The following LARGE2 variants were observed in gnomAD, a reference collection of about 807,000 sequenced individuals.
The protein encoded by LARGE2 is LARGE xylosyl- and glucuronyltransferase 2, also known as xylosyl- and glucuronyltransferase LARGE2.
A neutral mutation model predicts 75.3 loss-of-function variants in LARGE2; 63 were observed. That is an observed-to-expected ratio of 0.84 (90% CI 0.68 to 1.03). The LOEUF is 1.03. Ranked by LOEUF, LARGE2 falls within the 50% of genes least tolerant of loss-of-function variation. LARGE2 has a pLI of 0.00. For missense variants in LARGE2, 925 were observed against 980.6 expected, an observed-to-expected ratio of 0.94 and a Z score of 0.76; for synonymous variants, 428 against 420.1, an observed-to-expected ratio of 1.02 and a Z score of -0.23.
Position 45,928,177 on chromosome 11 carries a change from G to A in LARGE2, c.1755G>A (p.Arg585=). The change falls in exon 13 of 14, where the codon AGG becomes AGA. Residue 585 remains arginine (R), a splice_region_variant and synonymous_variant. Transcript: ENST00000401752. ...GCTCCCACCCGACCCTGCTGCACAGGTACCACGAGTGGCCCCGAGGCCACG... is the reference window on the plus strand; with the variant it reads ...GCTCCCACCCGACCCTGCTGCACAGATACCACGAGTGGCCCCGAGGCCACG... ...LLDAGTLYTF[R]YHEWPRGHAP... The A allele has an allele frequency of 1.2e-6, 2 of 1,613,514 alleles. No homozygotes were observed. Among genetic ancestry groups the A allele is most frequent in the Non-Finnish European group, 1.7e-6 (2 of 1,179,994 alleles).
Position 45,926,046 on chromosome 11 carries a change from C to G in LARGE2, c.777C>G (p.Ile259Met), listed in dbSNP as rs1470487097. The G allele has an allele frequency of 6.4e-7, 1 of 1,555,782 alleles. No individual in the cohort carries two copies. Among genetic ancestry groups the G allele is most frequent in the African/African-American group, 1.4e-5 (1 of 73,402 alleles). The change falls in exon 7 of 14, where the codon ATC becomes ATG. Residue 259 changes from isoleucine to methionine, a missense_variant. Physicochemically the swap from Ile to Met is conservative, Grantham distance 10 (BLOSUM62 1). Around this residue, in one of 3 missense-constraint regions of LARGE2, gnomAD observed 453 missense variants for 460.2 expected, o/e 0.98. Coordinates refer to ENST00000401752, the MANE Select transcript of LARGE2 (RefSeq NM_001300721.2). ...ALGRGFNTGV[I>M]LLRLDRLRQA... ...GCATCTCTTCATTGGCAGGTGTGAT[C>G]CTGCTGCGGCTGGACCGGCTCCGGC...
rs577315614 is a variant in LARGE2, at chr11:45,926,243, A to C, written c.904A>C (p.Lys302Gln). ...ADQDIFNAVI[K>Q]EHPGLVQRLP... ...TCAGGACATCTTCAACGCTGTGATC[A>C]AGGAGCACCCGGGGCTAGTGCAGCG... The change falls in exon 8 of 14, where the codon AAG becomes CAG. Residue 302 changes from lysine to glutamine, a missense_variant. Physicochemically the swap from Lys to Gln is moderately conservative, Grantham distance 53. This residue lies in a region of LARGE2 where 453 missense variants were observed against 460.2 expected (regional missense o/e 0.98). Transcript: ENST00000401752. 6.2e-7 allele frequency: 1 copy of C among 1,614,168 alleles called. No homozygotes were observed. Among genetic ancestry groups the C allele is most frequent in the South Asian group, 1.1e-5 (1 of 91,090 alleles).
chr11:45,922,700 A>T lies in LARGE2; in HGVS notation c.-91A>T. 2.5e-6 allele frequency: 1 copy of T among 406,228 alleles called. No individual in the cohort carries two copies. Among genetic ancestry groups the T allele is most frequent in the Non-Finnish European group, 4.1e-6 (1 of 244,106 alleles). The allele number at this position is 406,228 out of a possible 1,614,324, so 25.2% of individuals were successfully genotyped here. On this transcript the variant is annotated 5_prime_UTR_variant, in exon 1 of 14. Coordinates refer to ENST00000401752, the MANE Select transcript of LARGE2 (RefSeq NM_001300721.2). ...CACCCTGGCCGGCGGCTGCGAGCGC[A>T]GGGCCCAGCCCGGGAGCCGCTGGAG...
intron 12 of LARGE2, 52 bp from the exon 13 acceptor site, chr11:45,928,125 T>C: frequency 6.2e-7 from 1 of 1,612,838 alleles, no homozygotes; most frequent in Non-Finnish European, 8.5e-7. Flanking sequence ...TGGCCCCCAC[T>C]ACCCACGAGC....
At chr11:45,925,828 C>T (rs1418816878) in intron 6 of LARGE2, among the ~76,000 whole-genome samples, 1 of 151,938 alleles carries the variant, frequency 6.6e-6, no homozygotes, top group Non-Finnish European at 1.5e-5. Flanking sequence ...TGCCACTGCA[C>T]CACTCCAGCC....
In LARGE2 at chr11:45,922,879, G is replaced by A; in HGVS notation, c.-4G>A. The stretch of plus-strand genomic sequence containing the variant: ...TCCCTCCCTGAGCGCCCCCGTCGGC[G>A]GCCATGCTGCCCCGAGGGCGCCCCC... On this transcript the variant is annotated 5_prime_UTR_variant, in exon 2 of 14. Transcript: ENST00000401752. The A allele has an allele frequency of 8.0e-7, 1 of 1,253,874 alleles. No individual in the cohort carries two copies. Among genetic ancestry groups the A allele is most frequent in the Non-Finnish European group, 1.0e-6 (1 of 1,002,590 alleles). The allele number at this position is 1,253,874 out of a possible 1,614,324, so 77.7% of individuals were successfully genotyped here. A position where few individuals can be genotyped will look rare whatever the true frequency, so the allele number is the denominator to read the frequency against.
chr11:45,927,783 T>C, intron 11 of LARGE2, 137 bp from the exon 12 acceptor site: 2 of 1,452,956 alleles, frequency 1.4e-6, no homozygotes, highest in Non-Finnish European at 1.9e-6. Flanking sequence ...CAGCTCCACC[T>C]GTGGTTGTGC....
chr11:45,925,202 C>T (rs1294396360), intron 6 of LARGE2, among the ~76,000 whole-genome samples: 1 of 152,154 alleles, frequency 6.6e-6, no homozygotes, highest in Non-Finnish European at 1.5e-5. Flanking sequence ...CTCTTCACCC[C>T]CGAGGATTGA....
intron 11 of LARGE2, 27 bp from the exon 12 acceptor site, chr11:45,927,890 TCTC>T (rs1565097613): frequency 5.0e-6 from 8 of 1,610,828 alleles, no homozygotes; most frequent in Non-Finnish European, 6.8e-6. Flanking sequence ...GCCCCGCTCT[TCTC>T]CCCTGCTCAT....
intron 3 of LARGE2, 81 bp from the exon 4 acceptor site, chr11:45,924,073 T>C (rs1423366583): frequency 2.8e-6 from 4 of 1,416,388 alleles, no homozygotes; most frequent in East Asian, 6.3e-5. Flanking sequence ...GGCGCTTCCA[T>C]CTCTGCGCCC....
chr11:45,924,216 T>C lies in LARGE2; in HGVS notation c.431T>C (p.Leu144Pro). ...GTGGCCAGAAACATCCTGGAGACGC[T>C]CTTCCACACATGGATGGTGCCTGCT... is the stretch of plus-strand genomic sequence containing the variant. ...DAVARNILET[L>P]FHTWMVPAVR... Residue 144 changes from leucine (L) to proline (P), a missense_variant, in exon 4 of 14, where the codon CTC becomes CCC. Transcript: ENST00000401752. 1 of 1,613,490 alleles carries C rather than the reference T, an allele frequency of 6.2e-7. No homozygotes were observed. Among genetic ancestry groups the C allele is most frequent in the Non-Finnish European group, 8.5e-7 (1 of 1,179,994 alleles).
exon 14 of LARGE2, chr11:45,929,094 ATCT>A (rs2087426901): frequency 2.9e-5 from 16 of 556,246 alleles, no homozygotes; most frequent in South Asian, 3.4e-4. Flanking sequence ...GTTTTAAAAC[ATCT>A]TTTTTGTGTT....
chr11:45,922,417 A>G (rs1027999735), upstream of LARGE2, among the ~76,000 whole-genome samples: 6 of 152,114 alleles, frequency 3.9e-5, no homozygotes, highest in African/African-American at 7.2e-5. Context: ...GCAGGGGGTC[A>G]GGGCAGGTAG....
Position 45,923,039 on chromosome 11 carries a change from A to C in LARGE2, c.157A>C (p.Met53Leu), listed in dbSNP as rs1449853700. The C allele has an allele frequency of 1.1e-5, 15 of 1,406,872 alleles. No individual in the cohort carries two copies. The highest frequency in any genetic ancestry group is 1.3e-5 in the Non-Finnish European group (14 of 1,083,288). The allele number at this position is 1,406,872 out of a possible 1,614,324, so 87.1% of individuals were successfully genotyped here. A position where few individuals can be genotyped will look rare whatever the true frequency, so the allele number is the denominator to read the frequency against. Reference protein sequence around the residue: ...GAPGCFPGPLMPRVPPDGRLR... With the variant: ...GAPGCFPGPLLPRVPPDGRLR... ...CCCGGGATGCTTCCCCGGCCCGCTC[A>C]TGCCACGTGTCCCCCCAGACGGGAG... The change falls in exon 2 of 14, where the codon ATG becomes CTG. Residue 53 changes from methionine (M) to leucine (L), a missense_variant. Coordinates refer to ENST00000401752, the MANE Select transcript of LARGE2 (RefSeq NM_001300721.2).
chr11:45,922,685 G>A lies in LARGE2; in HGVS notation c.-106G>A, dbSNP rs1172443397. Reference sequence around the variant, plus strand: ...CTCCCCTGGTTCCCGCACCCTGGCCGGCGGCTGCGAGCGCAGGGCCCAGCC... The same window carrying A: ...CTCCCCTGGTTCCCGCACCCTGGCCAGCGGCTGCGAGCGCAGGGCCCAGCC... On this transcript the variant is annotated 5_prime_UTR_variant, in exon 1 of 14. Transcript: ENST00000401752. 2.7e-6 allele frequency: 1 copy of A among 373,508 alleles called. No homozygotes were observed. Among genetic ancestry groups the A allele is most frequent in the Non-Finnish European group, 4.6e-6 (1 of 215,582 alleles). The allele number at this position is 373,508 out of a possible 1,614,324, so 23.1% of individuals were successfully genotyped here.
rs1470657203 is a variant in LARGE2 at position 45,926,142 on chromosome 11, G to A, written c.873G>A (p.Leu291=). Residue 291 remains leucine (L), a synonymous_variant, in exon 7 of 14, where the codon CTG becomes CTA. Transcript: ENST00000401752. Reference sequence around the variant, plus strand: ...TCCTTAGCCTGCCTGCCACCTCACTGGCTGACCAGGTCTGAGGAAGCCTTG... The same window carrying A: ...TCCTTAGCCTGCCTGCCACCTCACTAGCTGACCAGGTCTGAGGAAGCCTTG... ...RELLSLPATS[L]ADQDIFNAVI... The A allele has an allele frequency of 1.1e-5, 17 of 1,587,368 alleles. No homozygotes were observed. The highest frequency in any genetic ancestry group is 7.7e-6 in the Non-Finnish European group (9 of 1,166,632).
At chr11:45,927,695 G>C (rs533140403) in intron 11 of LARGE2, 102 bp downstream of exon 11, 1 of 1,527,072 alleles carries the variant, frequency 6.5e-7, no homozygotes, top group Admixed American at 1.7e-5. Context: ...CTGGGCCTCA[G>C]TGGCCTCTGT....
At position 45,924,295 on chromosome 11, in the gene LARGE2, C is replaced by T. The variant is rs539172924; in HGVS notation, c.492+18C>T. The T allele has an allele frequency of 3.0e-5, 49 of 1,610,832 alleles. No individual in the cohort carries two copies. The African/African-American group carries it at 5.1e-4, about 17-fold the overall frequency. On this transcript the variant is annotated intron_variant, in intron 4 of 13. Transcript: ENST00000401752. ...AGCTCAAGGCAGGGGCCCAGCCCTT[C>T]CCCCCTCCCCTCAGCTGTGTCCACC...
Position 45,924,770 on chromosome 11 carries a change from G to T in LARGE2, c.665-15G>T. 2 of 1,508,524 alleles carry T rather than the reference G, an allele frequency of 1.3e-6. No homozygotes were observed. Among genetic ancestry groups the T allele is most frequent in the South Asian group, 2.6e-5 (2 of 76,784 alleles). 93.4% of individuals were successfully genotyped at this position (1,508,524 alleles called of 1,614,324 possible). A position where few individuals can be genotyped will look rare whatever the true frequency, so the allele number is the denominator to read the frequency against. ...TGGCAGCTTCAGACAGCTCCCTTAT[G>T]CCCTCCCCTCCCAGACACGCAGGCG... is the stretch of plus-strand genomic sequence containing the variant. On this transcript the variant is annotated splice_polypyrimidine_tract_variant and intron_variant, in intron 5 of 13. Coordinates refer to ENST00000401752, the MANE Select transcript of LARGE2 (RefSeq NM_001300721.2).
Sources: gnomAD v4.1 joint callset for allele counts (sites outside exome capture counted in the v4.1 genomes callset) on GRCh38, gnomAD v4.1.1 for gene constraint, gnomAD v4.1.1 regional missense constraint, MANE v1.5 for transcripts, NCBI Gene and HGNC (gene_info 2026-07-23, HGNC 2026-07-21) for gene names.